Variants in IHO1 observed in about 807,000 individuals in gnomAD.
IHO1 encodes the protein interactor of HORMAD1 1, also known as interactor of HORMAD1 protein 1.
A neutral mutation model predicts 31.0 loss-of-function variants in IHO1; 13 were observed. The observed-to-expected ratio is 0.42, with a 90% CI of 0.27 to 0.67. The LOEUF is 0.67. Among genes scored for constraint, IHO1 ranks in the 30% least tolerant of loss-of-function variants. The probability of loss-of-function intolerance (pLI) is 0.24; values close to 1 mark genes in which losing one functional copy is unlikely to be tolerated. For missense variants in IHO1, 599 were observed against 687.5 expected, an observed-to-expected ratio of 0.87 and a Z score of 1.44; for synonymous variants, 221 against 248.4, an observed-to-expected ratio of 0.89 and a Z score of 1.04.
intron 1 of IHO1, among the ~76,000 whole-genome samples, chr3:49,209,961 T>C: frequency 6.6e-6 from 1 of 151,616 alleles, no homozygotes; most frequent in Admixed American, 6.6e-5. Flanking sequence ...CGTAATCCAC[T>C]TGCCTTGGCC....
upstream of IHO1, among the ~76,000 whole-genome samples, chr3:49,196,361 C>T (rs1408691906): frequency 6.7e-6 from 1 of 150,204 alleles, no homozygotes; most frequent in East Asian, 2.0e-4. Flanking sequence ...CACTGTTGCC[C>T]AGGCTGGAGT....
chr3:49,221,298 G>A (rs553160249), intron 2 of IHO1, among the ~76,000 whole-genome samples: 2 of 152,032 alleles, frequency 1.3e-5, no homozygotes, highest in Non-Finnish European at 2.9e-5. Flanking sequence ...ACTGATTGGT[G>A]CATTTTTACA....
intron 2 of IHO1, among the ~76,000 whole-genome samples, chr3:49,225,252 T>C (rs755224889): frequency 2.1e-4 from 32 of 152,082 alleles, no homozygotes; most frequent in South Asian, 2.1e-4. Context: ...GATCATCAGG[T>C]CAGGAGTTCA....
In IHO1 at chr3:49,256,032, G is replaced by A; in HGVS notation, c.637-102G>A. ...CTGAGAGGTTCCCTACAAGGAGCAAGCCTTGGTTCTGCTGTCACATCCATT... is the reference window on the plus strand; with the variant it reads ...CTGAGAGGTTCCCTACAAGGAGCAAACCTTGGTTCTGCTGTCACATCCATT... On this transcript the variant is annotated intron_variant, in intron 7 of 7. Transcript: ENST00000452691. The surrounding 1 kb of genome is among the most constrained non-coding windows in gnomAD (Gnocchi z 4.6). 9.7e-7 allele frequency: 1 copy of A among 1,029,738 alleles called. No individual in the cohort carries two copies. Among genetic ancestry groups the A allele is most frequent in the Middle Eastern group, 2.5e-4 (1 of 4,078 alleles). 63.8% of individuals were successfully genotyped at this position (1,029,738 alleles called of 1,614,324 possible). A position where few individuals can be genotyped will look rare whatever the true frequency, so the allele number is the denominator to read the frequency against.
chr3:49,243,259 C>G (rs2046652980), intron 4 of IHO1, among the ~76,000 whole-genome samples: 1 of 152,046 alleles, frequency 6.6e-6, no homozygotes, highest in South Asian at 2.1e-4. Context: ...TCAAGTGCCC[C>G]AGCCTCCCAA....
intron 6 of IHO1, among the ~76,000 whole-genome samples, chr3:49,247,290 C>T (rs1438366873): frequency 1.3e-5 from 2 of 152,068 alleles, no homozygotes; most frequent in East Asian, 1.9e-4. Flanking sequence ...AGTGCAGTAG[C>T]ACGATCTCGG....
chr3:49,203,402 G>A (rs2046096188), intron 1 of IHO1, among the ~76,000 whole-genome samples: 1 of 152,176 alleles, frequency 6.6e-6, no homozygotes, highest in Admixed American at 6.6e-5. Context: ...GGTAATCATA[G>A]ATAATTCTGG....
chr3:49,200,485 A>AAGAAAGAAAG (rs1553615452), intron 1 of IHO1: 3 of 578,722 alleles, frequency 5.2e-6, no homozygotes, highest in Non-Finnish European at 6.3e-6. Context: ...AAAAGAAAGA[A>AAGAAAGAAAG]AGAAAGAAAG....
intron 1 of IHO1, among the ~76,000 whole-genome samples, chr3:49,205,706 T>A (rs138272854): frequency 6.6e-6 from 1 of 151,860 alleles, no homozygotes; most frequent in African/African-American, 2.4e-5. Flanking sequence ...TTCAAGCTTT[T>A]CTTCTGCGTC....
At chr3:49,223,831 G>C (rs2046384666) in intron 2 of IHO1, among the ~76,000 whole-genome samples, 2 of 152,182 alleles carry the variant, frequency 1.3e-5, no homozygotes, top group South Asian at 4.1e-4. Context: ...AATTTGTAAA[G>C]GTATCAACAC....
chr3:49,212,602 G>A (rs942510705), intron 2 of IHO1, among the ~76,000 whole-genome samples: 4 of 151,954 alleles, frequency 2.6e-5, no homozygotes, highest in Admixed American at 6.6e-5. Context: ...TGGTTTCACT[G>A]ACTTCAAGAA....
intron 1 of IHO1, among the ~76,000 whole-genome samples, chr3:49,205,846 T>G (rs1416292658): frequency 2.0e-5 from 3 of 150,558 alleles, no homozygotes; most frequent in Non-Finnish European, 2.9e-5. Context: ...CTCGGCTCAC[T>G]GCCACCTCCA....
intron 6 of IHO1, among the ~76,000 whole-genome samples, chr3:49,247,721 C>T (rs773640238): frequency 3.3e-5 from 5 of 151,658 alleles, no homozygotes; most frequent in Non-Finnish European, 7.4e-5. Flanking sequence ...TCTGGGACGT[C>T]GAAGCTGCTG....
chr3:49,222,299 A>G (rs1324977730), intron 2 of IHO1, among the ~76,000 whole-genome samples: 1 of 152,208 alleles, frequency 6.6e-6, no homozygotes, highest in African/African-American at 2.4e-5. Context: ...GACTGGTTTA[A>G]CAGAGAGTGG....
At chr3:49,239,423 G>T (rs1027727357) in intron 3 of IHO1, among the ~76,000 whole-genome samples, 2 of 145,876 alleles carry the variant, frequency 1.4e-5, no homozygotes, top group Non-Finnish European at 3.0e-5. Context: ...ATGGGACTAT[G>T]GGCGTGCACC....
At chr3:49,195,531 C>T (rs1371546485), upstream of IHO1, among the ~76,000 whole-genome samples, 1 of 150,756 alleles carries the variant, frequency 6.6e-6, no homozygotes, top group African/African-American at 2.4e-5. Flanking sequence ...TCCTGGCTAA[C>T]ACGGTGAAAC....
At chr3:49,206,860 C>A (rs28690891) in intron 1 of IHO1, among the ~76,000 whole-genome samples, 2,739 of 151,892 alleles carry the variant, frequency 0.018, 95 homozygotes, top group African/African-American at 0.062. Flanking sequence ...CCAGCCTGGC[C>A]AACATGGTGA....
Position 49,226,520 on chromosome 3 carries a change from A to G in IHO1, c.57-10028A>G, listed in dbSNP as rs1478433919. ...TAATTCTCCTTAGTCCTTCTAGAAC[A>G]CAGGTCAACAGATGTTTGTGATTCC... On this transcript the variant is annotated intron_variant, in intron 2 of 7. Coordinates refer to ENST00000452691, the MANE Select transcript of IHO1 (RefSeq NM_001135197.2). Among the ~76,000 whole-genome samples the G allele has an allele frequency of 7.2e-5, 11 of 152,286 alleles. No individual in the cohort carries two copies. In the South Asian group the frequency reaches 2.1e-3, roughly 29 times the overall value.
At chr3:49,236,506 G>GAAC in intron 2 of IHO1, 42 bp from the exon 3 acceptor site, 1 of 1,418,488 alleles carries the variant, frequency 7.0e-7, no homozygotes, top group South Asian at 1.2e-5. Context: ...ATTTGTTCAG[G>GAAC]ATATTTGTCT....
Sources: gnomAD v4.1 joint callset for allele counts (sites outside exome capture counted in the v4.1 genomes callset) on GRCh38, gnomAD v4.1.1 for gene constraint, Gnocchi (gnomAD v3.1) non-coding constraint, MANE v1.5 for transcripts, NCBI Gene and HGNC (gene_info 2026-07-23, HGNC 2026-07-21) for gene names.